UFL1: variants seen among roughly 807,000 people sequenced by gnomAD.
UFL1 encodes the protein E3 UFM1-protein ligase 1.
UFL1 carries 78 observed loss-of-function variants against 99.3 expected under a neutral mutation model. That is an observed-to-expected ratio of 0.79 (90% confidence interval 0.65 to 0.95). The LOEUF is 0.95. UFL1 is among the 40% of genes least tolerant of loss of function. UFL1 has a pLI of 0.00. For missense variants in UFL1, 936 were observed against 937.0 expected, an observed-to-expected ratio of 1.00 and a Z score of 0.01; for synonymous variants, 335 against 322.2, an observed-to-expected ratio of 1.04 and a Z score of -0.42.
chr6:96,535,250 A>G (rs943342713), intron 7 of UFL1, among the ~76,000 whole-genome samples: 5 of 151,950 alleles, frequency 3.3e-5, no homozygotes, highest in African/African-American at 1.2e-4. Context: ...TTTTATTTCC[A>G]TTACAGACTA....
intron 12 of UFL1, 39 bp from the exon 13 acceptor site, chr6:96,548,124 TA>T: frequency 8.0e-7 from 1 of 1,257,780 alleles, no homozygotes; most frequent in Non-Finnish European, 1.1e-6. Context: ...GCATGTTTTT[TA>T]TTTATTTATT....
chr6:96,540,939 T>TTTTTG (rs1027891163), intron 11 of UFL1, among the ~76,000 whole-genome samples: 16 of 151,484 alleles, frequency 1.1e-4, no homozygotes, highest in African/African-American at 2.7e-4. Flanking sequence ...CAGTAGCCCT[T>TTTTTG]TTTTGTTTTG....
At chr6:96,531,744 A>G (rs1339586397) in intron 6 of UFL1, among the ~76,000 whole-genome samples, 1 of 152,178 alleles carries the variant, frequency 6.6e-6, no homozygotes, top group Admixed American at 6.5e-5. Flanking sequence ...TTCTTTGACT[A>G]ATTATTGTGG....
intron 18 of UFL1, 99 bp downstream of exon 18, chr6:96,552,761 A>C (rs79741965): frequency 0.024 from 27,167 of 1,109,320 alleles, 442 homozygotes; most frequent in Non-Finnish European, 0.028. Context: ...GGTATAAAAT[A>C]CATTAACATC....
chr6:96,522,042 C>T, intron 1 of UFL1, 92 bp downstream of exon 1: 1 of 1,358,112 alleles, frequency 7.4e-7, no homozygotes. Flanking sequence ...GCCCTGCATC[C>T]CGGGTCTTCT....
Position 96,542,701 on chromosome 6 carries a change from T to A in UFL1, c.1280-193T>A, listed in dbSNP as rs560791380. Among the ~76,000 whole-genome samples the A allele has an allele frequency of 5.3e-5, 8 of 151,384 alleles. No homozygotes were observed. The South Asian group carries it at 1.7e-3, about 31-fold the overall frequency. On this transcript the variant is annotated intron_variant, in intron 11 of 18. Coordinates refer to ENST00000369278, the MANE Select transcript of UFL1 (RefSeq NM_015323.5). ...AGATTGCTCAAAAGATTTCATATTTTATTATTAATTTTTTATGTATTGGAT... is the reference window on the plus strand; with the variant it reads ...AGATTGCTCAAAAGATTTCATATTTAATTATTAATTTTTTATGTATTGGAT...
rs199880163 is a variant in UFL1, at chr6:96,552,610, C to G, written c.2114C>G (p.Pro705Arg). 1.1e-4 allele frequency: 179 copies of G among 1,611,898 alleles called. No homozygotes were observed. In the Middle Eastern group the frequency reaches 2.1e-3, roughly 19 times the overall value. The change falls in exon 18 of 19, where the codon CCT becomes CGT. Residue 705 changes from proline to arginine, a missense_variant. Physicochemically the swap from Pro to Arg is moderately radical, Grantham distance 103. Coordinates refer to ENST00000369278, the MANE Select transcript of UFL1 (RefSeq NM_015323.5). ...TCAACCCACAGCATGCTCCATGCAC[C>G]TGGAAGATGTGTCCCACAGATCATT... ...QFSTHSMLHAPGRCVPQIIAF... is the reference protein window; with the variant it reads ...QFSTHSMLHARGRCVPQIIAF...
At chr6:96,543,350 G>A (rs1384180186) in intron 12 of UFL1, among the ~76,000 whole-genome samples, 1 of 151,164 alleles carries the variant, frequency 6.6e-6, no homozygotes, top group Admixed American at 6.6e-5. Flanking sequence ...TCAATGATTG[G>A]TCACTGCACA....
chr6:96,552,359 C>T (rs1770093385), intron 17 of UFL1, 123 bp from the exon 18 acceptor site: 1 of 1,127,128 alleles, frequency 8.9e-7, no homozygotes, highest in Non-Finnish European at 1.2e-6. Context: ...GAAAAGTTAC[C>T]TTAAATTTTT....
At chr6:96,530,210 C>T (rs1419249239) in intron 6 of UFL1, among the ~76,000 whole-genome samples, 1 of 152,184 alleles carries the variant, frequency 6.6e-6, no homozygotes, top group Non-Finnish European at 1.5e-5. Context: ...ATGACCTTGA[C>T]ACTTTTGAAG....
chr6:96,553,225 C>A (rs1419244680), intron 18 of UFL1, 60 bp from the exon 19 acceptor site: 2 of 1,504,390 alleles, frequency 1.3e-6, no homozygotes, highest in South Asian at 1.2e-5. Flanking sequence ...AGAAATTCTA[C>A]TTTATCTGTT....
chr6:96,523,523 A>G (rs1008214288), intron 2 of UFL1, among the ~76,000 whole-genome samples: 5 of 152,204 alleles, frequency 3.3e-5, no homozygotes, highest in African/African-American at 4.8e-5. Context: ...ATTTTGAGTT[A>G]TGTGTACTAT....
chr6:96,532,998 T>A (rs1163122836), intron 6 of UFL1, among the ~76,000 whole-genome samples: 1 of 152,158 alleles, frequency 6.6e-6, no homozygotes, highest in Non-Finnish European at 1.5e-5. Context: ...TGTTTCTGCT[T>A]TCACAAGTTT....
intron 17 of UFL1, 124 bp from the exon 18 acceptor site, chr6:96,552,358 C>T (rs1471586293): frequency 8.3e-6 from 9 of 1,090,112 alleles, no homozygotes; most frequent in Non-Finnish European, 1.0e-5. Context: ...TGAAAAGTTA[C>T]CTTAAATTTT....
chr6:96,539,970 T>C (rs1181977916), intron 10 of UFL1, among the ~76,000 whole-genome samples: 1 of 151,566 alleles, frequency 6.6e-6, no homozygotes, highest in Admixed American at 6.6e-5. Flanking sequence ...TAGGACCTTA[T>C]GCCATCAGAA....
chr6:96,540,331 T>TC (rs2127951640), intron 10 of UFL1, among the ~76,000 whole-genome samples: 1 of 151,396 alleles, frequency 6.6e-6, no homozygotes, highest in South Asian at 2.1e-4. Flanking sequence ...TAATAATGGG[T>TC]ACAAAAAAGG....
At chr6:96,532,033 T>C (rs1161383231) in intron 6 of UFL1, among the ~76,000 whole-genome samples, 1 of 152,202 alleles carries the variant, frequency 6.6e-6, no homozygotes, top group Non-Finnish European at 1.5e-5. Flanking sequence ...TTTTTATGGA[T>C]ATTTCTTGTT....
rs761744004 is a variant in UFL1 at position 96,548,161 on chromosome 6, T to C, written c.1403-3T>C. 6.4e-7 allele frequency: 1 copy of C among 1,572,882 alleles called. No homozygotes were observed. Among genetic ancestry groups the C allele is most frequent in the East Asian group, 2.3e-5 (1 of 43,576 alleles). On this transcript the variant is annotated splice_region_variant and splice_polypyrimidine_tract_variant and intron_variant, in intron 12 of 18. Transcript: ENST00000369278. ...TATTTGCCATTGCTCATGTCCGATA[T>C]AGGAAAGAAGAAGCCAGAGATCAGT...
intron 11 of UFL1, among the ~76,000 whole-genome samples, chr6:96,541,807 G>A (rs1407989000): frequency 1.3e-5 from 2 of 151,100 alleles, no homozygotes; most frequent in African/African-American, 2.4e-5. Flanking sequence ...TATTATAATT[G>A]TTTAATTACA....
Sources: gnomAD v4.1 joint callset for allele counts (sites outside exome capture counted in the v4.1 genomes callset) on GRCh38, gnomAD v4.1.1 for gene constraint, MANE v1.5 for transcripts, NCBI Gene and HGNC (gene_info 2026-07-23, HGNC 2026-07-21) for gene names.